Variants in SLC44A5 observed in about 807,000 individuals in gnomAD.
SLC44A5 encodes the protein solute carrier family 44 member 5.
In SLC44A5, 57 loss-of-function variants were observed where a neutral mutation model predicts 101.8. The observed-to-expected ratio is 0.56, with a 90% CI of 0.45 to 0.70. The LOEUF is 0.70. SLC44A5 is among the 30% of genes least tolerant of loss of function. The pLI, the probability that SLC44A5 is intolerant of heterozygous loss-of-function variation, is 0.00. For missense variants in SLC44A5, 737 were observed against 853.1 expected (o/e 0.86, Z 1.70); for synonymous variants, 281 against 290.9 (o/e 0.97, Z 0.35).
the SLC44A5 span, among the ~76,000 whole-genome samples, chr1:75,700,128 A>C: frequency 6.6e-6 from 1 of 152,120 alleles, no homozygotes; most frequent in Non-Finnish European, 1.5e-5. Context: ...ATATCCAGGA[A>C]TTGAACTCAG....
the SLC44A5 span, among the ~76,000 whole-genome samples, chr1:75,642,473 G>A: frequency 0.49 from 74,684 of 151,876 alleles, 19,602 homozygotes; most frequent in East Asian, 0.93. Flanking sequence ...TGAAGTGTTC[G>A]TCAAGATTTG....
At chr1:75,488,724 CAT>C (rs1381359683) in intron 2 of SLC44A5, among the ~76,000 whole-genome samples, 2 of 152,138 alleles carry the variant, frequency 1.3e-5, no homozygotes, top group Non-Finnish European at 2.9e-5. Flanking sequence ...TGAAATCTGT[CAT>C]GTGATAATCA....
chr1:75,439,658 C>A (rs779413573), intron 2 of SLC44A5, among the ~76,000 whole-genome samples: 1 of 151,888 alleles, frequency 6.6e-6, no homozygotes, highest in Non-Finnish European at 1.5e-5. Context: ...CAATGCAGCT[C>A]AGAAAAACAC....
chr1:75,239,919 C>T (rs1271138623), intron 9 of SLC44A5, among the ~76,000 whole-genome samples: 1 of 152,022 alleles, frequency 6.6e-6, no homozygotes, highest in African/African-American at 2.4e-5. Flanking sequence ...TTGAAACTCT[C>T]TTTTCTTGGC....
At chr1:75,251,541 G>C (rs1051868707) in intron 6 of SLC44A5, among the ~76,000 whole-genome samples, 9 of 151,912 alleles carry the variant, frequency 5.9e-5, no homozygotes, top group African/African-American at 2.2e-4. Flanking sequence ...TACCCATAAG[G>C]TAGAACATTA....
chr1:75,700,011 C>T, the SLC44A5 span, among the ~76,000 whole-genome samples: 3 of 151,970 alleles, frequency 2.0e-5, no homozygotes, highest in African/African-American at 7.3e-5. Context: ...TAAAGCAAGT[C>T]CTGAGTGACC....
chr1:75,688,733 T>C, the SLC44A5 span, among the ~76,000 whole-genome samples: 2 of 152,188 alleles, frequency 1.3e-5, no homozygotes, highest in East Asian at 3.9e-4. Flanking sequence ...ACAAAAATAA[T>C]TTCCCATACA....
chr1:75,666,555 T>C, the SLC44A5 span, among the ~76,000 whole-genome samples: 6 of 151,928 alleles, frequency 3.9e-5, no homozygotes, highest in African/African-American at 9.7e-5. Flanking sequence ...TTCCAAACAA[T>C]AGAAAAAGAG....
intron 9 of SLC44A5, among the ~76,000 whole-genome samples, chr1:75,240,622 G>T (rs1648537523): frequency 6.6e-6 from 1 of 152,052 alleles, no homozygotes; most frequent in South Asian, 2.1e-4. Context: ...GGTAAGTGCT[G>T]TTGCTGTGGG....
chr1:75,392,601 T>A (rs1056198757), intron 3 of SLC44A5, among the ~76,000 whole-genome samples: 2 of 152,182 alleles, frequency 1.3e-5, no homozygotes, highest in African/African-American at 4.8e-5. Flanking sequence ...TGGAGATTTC[T>A]CAAAGAAGCA....
At chr1:75,210,398 ATG>A (rs1646829831) in intron 23 of SLC44A5, among the ~76,000 whole-genome samples, 2 of 152,160 alleles carry the variant, frequency 1.3e-5, no homozygotes, top group South Asian at 4.2e-4. Context: ...GGAGTTGCAT[ATG>A]CAACTATAGG....
At chr1:75,355,134 T>A (rs962742148) in intron 3 of SLC44A5, among the ~76,000 whole-genome samples, 1 of 152,228 alleles carries the variant, frequency 6.6e-6, no homozygotes, top group South Asian at 2.1e-4. Context: ...ATTCTCTGTG[T>A]TTAACCAACA....
the SLC44A5 span, among the ~76,000 whole-genome samples, chr1:75,628,550 G>GAT: frequency 6.6e-6 from 1 of 152,072 alleles, no homozygotes; most frequent in East Asian, 1.9e-4. Flanking sequence ...TTAAGGTTTC[G>GAT]ATATTGGATT....
chr1:75,687,045 C>T, the SLC44A5 span, among the ~76,000 whole-genome samples: 1 of 152,230 alleles, frequency 6.6e-6, no homozygotes, highest in East Asian at 1.9e-4. Flanking sequence ...AGGAATTTTG[C>T]ATAACTAGCA....
chr1:75,593,696 G>T (rs1393826790), intron 1 of SLC44A5, among the ~76,000 whole-genome samples: 1 of 152,092 alleles, frequency 6.6e-6, no homozygotes, highest in Admixed American at 6.6e-5. Flanking sequence ...CAATGCAGAT[G>T]GAACTCGGGA....
chr1:75,305,173 T>G (rs1008653484), intron 4 of SLC44A5, among the ~76,000 whole-genome samples: 5 of 152,242 alleles, frequency 3.3e-5, no homozygotes, highest in Non-Finnish European at 7.3e-5. Context: ...ACTTAAAGTG[T>G]TGGGAGTTGT....
intron 2 of SLC44A5, among the ~76,000 whole-genome samples, chr1:75,428,511 A>T (rs1402872348): frequency 6.6e-6 from 1 of 152,140 alleles, no homozygotes; most frequent in Admixed American, 6.5e-5. Context: ...AACTCAAATG[A>T]AGCTTTAGAG....
the SLC44A5 span, among the ~76,000 whole-genome samples, chr1:75,616,340 G>A: frequency 1.3e-5 from 2 of 152,126 alleles, no homozygotes; most frequent in African/African-American, 4.8e-5. Context: ...AAAGACAACG[G>A]TGGCGGCGGC....
intron 1 of SLC44A5, among the ~76,000 whole-genome samples, chr1:75,592,659 G>A (rs542302548): frequency 2.6e-5 from 4 of 151,290 alleles, no homozygotes; most frequent in African/African-American, 7.3e-5. Context: ...ATAGAGTAAC[G>A]GAACAGAATA....
Sources: gnomAD v4.1 joint callset for allele counts (sites outside exome capture counted in the v4.1 genomes callset) on GRCh38, gnomAD v4.1.1 for gene constraint, MANE v1.5 for transcripts, NCBI Gene and HGNC (gene_info 2026-07-23, HGNC 2026-07-21) for gene names.